Variants in ATP11B observed in about 807,000 individuals in gnomAD.
ATP11B encodes phospholipid-transporting ATPase IF.
ATP11B carries 81 observed loss-of-function variants against 157.8 expected under a neutral mutation model. The ratio of observed to expected loss-of-function variants is 0.51; its 90% CI spans 0.43 to 0.62. The LOEUF (loss-of-function observed/expected upper bound fraction) is 0.62, where lower values mean the gene tolerates loss of function less well. ATP11B is among the 20% of genes least tolerant of loss of function. The pLI, the probability that ATP11B is intolerant of heterozygous loss-of-function variation, is 0.00. For synonymous variants in ATP11B, 451 were observed against 469.4 expected (o/e 0.96, Z 0.51); for missense variants, 1,165 against 1,402.2 (o/e 0.83, Z 2.70).
chr3:182,814,395 T>G (rs528244693), intron 1 of ATP11B, among the ~76,000 whole-genome samples: 66 of 152,008 alleles, frequency 4.3e-4, no homozygotes, highest in African/African-American at 1.4e-3. Context: ...AAATTCAGAA[T>G]GTGAAACTAG....
intron 26 of ATP11B, 47 bp from the exon 27 acceptor site, chr3:182,897,256 A>C: frequency 9.2e-7 from 1 of 1,088,674 alleles, no homozygotes; most frequent in South Asian, 1.6e-5. Context: ...GGTTAAGGTA[A>C]AGCTTTATTT....
chr3:182,893,631 C>A (rs1723324467), intron 25 of ATP11B, among the ~76,000 whole-genome samples: 1 of 152,138 alleles, frequency 6.6e-6, no homozygotes, highest in Admixed American at 6.5e-5. Flanking sequence ...TTTGCAATTG[C>A]AAATTGTGCT....
At chr3:182,820,738 G>T (rs186368225) in intron 2 of ATP11B, among the ~76,000 whole-genome samples, 1 of 152,152 alleles carries the variant, frequency 6.6e-6, no homozygotes, top group Admixed American at 6.5e-5. Context: ...ATATGTGTGT[G>T]TGTGTATTTA....
At position 182,919,511 on chromosome 3, in the gene ATP11B, T is replaced by G. The variant is rs1465276734; in HGVS notation, c.*1407T>G. The G allele has an allele frequency of 6.6e-6, 1 of 152,604 alleles. No homozygotes were observed. The highest frequency in any genetic ancestry group is 2.4e-5 in the African/African-American group (1 of 41,466). 9.5% of individuals were successfully genotyped at this position (152,604 alleles called of 1,614,324 possible). On this transcript the variant is annotated 3_prime_UTR_variant, in exon 30 of 30. Transcript: ENST00000323116. ...TGTTGTCTTAAGATTTAGAAGTGAT[T>G]ATTAGCTTGAGAACTATTACCCAGC...
At chr3:182,845,215 C>G (rs958118528) in intron 8 of ATP11B, among the ~76,000 whole-genome samples, 3 of 152,036 alleles carry the variant, frequency 2.0e-5, no homozygotes, top group Non-Finnish European at 4.4e-5. Flanking sequence ...CCATGTTGCC[C>G]AGGCTGGTCT....
chr3:182,902,172 G>T (rs1577103475), intron 28 of ATP11B, among the ~76,000 whole-genome samples: 1 of 152,166 alleles, frequency 6.6e-6, no homozygotes, highest in Non-Finnish European at 1.5e-5. Flanking sequence ...TGGCTAGAAA[G>T]CTATCAGCTA....
chr3:182,884,838 T>C lies in ATP11B; in HGVS notation c.2595T>C (p.Phe865=). ...TTAAGTTCCTCTCCAAATTGCTTTT[T>C]GTTCATGGTCATTTTTATTATATTA... The part of the protein sequence containing the change: ...ARFKFLSKLL[F]VHGHFYYIRI... Residue 865 remains phenylalanine, a synonymous_variant, in exon 22 of 30, where the codon TTT becomes TTC. Transcript: ENST00000323116. The C allele has an allele frequency of 1.3e-6, 2 of 1,588,788 alleles. No homozygotes were observed. The highest frequency in any genetic ancestry group is 8.6e-7 in the Non-Finnish European group (1 of 1,162,208).
intron 1 of ATP11B, among the ~76,000 whole-genome samples, chr3:182,797,853 A>T (rs901920696): frequency 1.3e-5 from 2 of 152,090 alleles, no homozygotes; most frequent in Non-Finnish European, 2.9e-5. Flanking sequence ...GTGGTTAGAA[A>T]TTTTAAAGTT....
chr3:182,804,561 C>T (rs1201755389), intron 1 of ATP11B, among the ~76,000 whole-genome samples: 2 of 152,148 alleles, frequency 1.3e-5, no homozygotes, highest in Non-Finnish European at 2.9e-5. Flanking sequence ...CTCCAGTGTT[C>T]TTTCTCATCT....
chr3:182,855,856 C>T (rs1474582989), intron 10 of ATP11B, among the ~76,000 whole-genome samples: 1 of 152,002 alleles, frequency 6.6e-6, no homozygotes, highest in African/African-American at 2.4e-5. Flanking sequence ...ATCACCACAC[C>T]CATTAGAATA....
intron 28 of ATP11B, among the ~76,000 whole-genome samples, chr3:182,908,196 C>CTTTTTTTTTTTTTTTTTTTTT (rs10716562): frequency 1.4e-5 from 1 of 70,744 alleles, no homozygotes; most frequent in African/African-American, 5.7e-5. Context: ...TTATTATTTT[C>CTTTTTTTTTTTTTTTTTTTTT]TTTTTTTTTT....
intron 19 of ATP11B, among the ~76,000 whole-genome samples, chr3:182,878,461 C>A (rs1722198227): frequency 6.6e-6 from 1 of 152,180 alleles, no homozygotes; most frequent in Non-Finnish European, 1.5e-5. Flanking sequence ...AAATGTAAAT[C>A]TAGGTATACT....
intron 1 of ATP11B, among the ~76,000 whole-genome samples, chr3:182,801,921 T>C (rs1289630990): frequency 6.6e-6 from 1 of 152,218 alleles, no homozygotes; most frequent in Non-Finnish European, 1.5e-5. Context: ...AAGCAGGAGA[T>C]GTAGTTCTTT....
chr3:182,852,707 C>T (rs1720074731), intron 10 of ATP11B, among the ~76,000 whole-genome samples: 1 of 152,200 alleles, frequency 6.6e-6, no homozygotes, highest in African/African-American at 2.4e-5. Context: ...TATACAAAAA[C>T]TGACTCAAAG....
chr3:182,852,524 T>C (rs951743053), intron 10 of ATP11B, among the ~76,000 whole-genome samples: 5 of 152,184 alleles, frequency 3.3e-5, no homozygotes, highest in African/African-American at 1.2e-4. Flanking sequence ...CTTACCAAAA[T>C]TGGCCCAAGA....
At chr3:182,817,048 G>A (rs28437328) in intron 1 of ATP11B, among the ~76,000 whole-genome samples, 5,302 of 152,096 alleles carry the variant, frequency 0.035, 317 homozygotes, top group African/African-American at 0.12. Context: ...ACACACGTAC[G>A]TGCCCACAAA....
chr3:182,822,279 C>G (rs1282913573), intron 2 of ATP11B, among the ~76,000 whole-genome samples: 5 of 152,098 alleles, frequency 3.3e-5, no homozygotes, highest in African/African-American at 1.2e-4. Context: ...GCCCCTACCC[C>G]ACGAGAGGCC....
chr3:182,799,474 C>A (rs991383491), intron 1 of ATP11B, among the ~76,000 whole-genome samples: 1 of 152,008 alleles, frequency 6.6e-6, no homozygotes, highest in African/African-American at 2.4e-5. Context: ...GATGGGGTTT[C>A]TCCGTGTTAC....
chr3:182,815,721 C>T (rs570872428), intron 1 of ATP11B, among the ~76,000 whole-genome samples: 12 of 152,020 alleles, frequency 7.9e-5, no homozygotes, highest in Admixed American at 3.3e-4. Flanking sequence ...TGCTAGAAGG[C>T]GCTGTGAACT....
Sources: gnomAD v4.1 joint callset for allele counts (sites outside exome capture counted in the v4.1 genomes callset) on GRCh38, gnomAD v4.1.1 for gene constraint, MANE v1.5 for transcripts, NCBI Gene and HGNC (gene_info 2026-07-23, HGNC 2026-07-21) for gene names.